Variants in MACROD2 observed in about 807,000 individuals in gnomAD.
MACROD2 encodes the protein ADP-ribose glycohydrolase MACROD2.
Under a neutral mutation model 70.4 loss-of-function variants are expected in MACROD2, and 36 were observed. That is an observed-to-expected ratio of 0.51 (90% CI 0.39 to 0.68). The LOEUF (loss-of-function observed/expected upper bound fraction) is 0.68, where lower values mean the gene tolerates loss of function less well. MACROD2 is among the 30% of genes least tolerant of loss of function. MACROD2 has a pLI of 0.00. For synonymous variants in MACROD2, 172 were observed against 178.8 expected (o/e 0.96, Z 0.30); for missense variants, 496 against 538.4 (o/e 0.92, Z 0.78).
intron 3 of MACROD2, among the ~76,000 whole-genome samples, chr20:14,449,762 A>C (rs1433247135): frequency 6.6e-6 from 1 of 152,174 alleles, no homozygotes; most frequent in Non-Finnish European, 1.5e-5. Context: ...AGAAAACTTA[A>C]GCAGCTTGTC....
intron 8 of MACROD2, among the ~76,000 whole-genome samples, chr20:15,520,069 T>A (rs761331480): frequency 1.8e-4 from 28 of 152,250 alleles, no homozygotes; most frequent in Middle Eastern, 6.8e-3. Context: ...AAATGAGAAC[T>A]GGGAAAACTT....
chr20:15,054,162 A>G (rs1031186349), intron 5 of MACROD2, among the ~76,000 whole-genome samples: 1 of 152,244 alleles, frequency 6.6e-6, no homozygotes, highest in East Asian at 1.9e-4. Flanking sequence ...TTGTTGAAAT[A>G]ACAACAAAGG....
chr20:15,810,314 A>G (rs1396547805), intron 8 of MACROD2, among the ~76,000 whole-genome samples: 1 of 151,630 alleles, frequency 6.6e-6, no homozygotes, highest in African/African-American at 2.4e-5. Context: ...GAATAGTGCC[A>G]CAATAAACAT....
At chr20:15,885,880 A>C in intron 10 of MACROD2, 69 bp downstream of exon 10, 1 of 1,398,214 alleles carries the variant, frequency 7.2e-7, no homozygotes, top group Non-Finnish European at 9.5e-7. Context: ...TACACTTCAT[A>C]TTTTTTCAAC....
chr20:14,465,767 G>A (rs1202275244), intron 3 of MACROD2, among the ~76,000 whole-genome samples: 1 of 152,090 alleles, frequency 6.6e-6, no homozygotes, highest in East Asian at 1.9e-4. Flanking sequence ...TGTCTGTAAA[G>A]TATTTTATTT....
At chr20:15,984,306 A>G (rs2066445513) in intron 13 of MACROD2, among the ~76,000 whole-genome samples, 1 of 152,228 alleles carries the variant, frequency 6.6e-6, no homozygotes, top group Middle Eastern at 3.4e-3. Context: ...TTAAAACAAT[A>G]ATTTTTTTAA....
chr20:14,758,847 A>C (rs919623414), intron 5 of MACROD2, among the ~76,000 whole-genome samples: 5 of 152,214 alleles, frequency 3.3e-5, no homozygotes, highest in African/African-American at 1.2e-4. Flanking sequence ...AACACTGCAA[A>C]TCTTGAAATT....
intron 8 of MACROD2, among the ~76,000 whole-genome samples, chr20:15,548,866 C>T (rs1293311384): frequency 6.6e-6 from 1 of 152,206 alleles, no homozygotes; most frequent in Non-Finnish European, 1.5e-5. Context: ...AGAAGAGATA[C>T]ATAGACTCTC....
chr20:15,530,053 T>A (rs2047775926), intron 8 of MACROD2, among the ~76,000 whole-genome samples: 1 of 151,994 alleles, frequency 6.6e-6, no homozygotes, highest in African/African-American at 2.4e-5. Flanking sequence ...ACAGAAAAAA[T>A]TAAGTGGAAG....
intron 8 of MACROD2, among the ~76,000 whole-genome samples, chr20:15,554,637 T>C (rs779574406): frequency 3.3e-5 from 5 of 152,182 alleles, no homozygotes; most frequent in Non-Finnish European, 5.9e-5. Flanking sequence ...GGACTATTGT[T>C]TGTTGGAATG....
At chr20:15,768,030 A>G (rs1007125085) in intron 8 of MACROD2, among the ~76,000 whole-genome samples, 3 of 144,492 alleles carry the variant, frequency 2.1e-5, no homozygotes, top group Non-Finnish European at 4.6e-5. Context: ...TATTAGCATC[A>G]GTTGCAAAAA....
chr20:15,027,017 A>G (rs1040153536), intron 5 of MACROD2, among the ~76,000 whole-genome samples: 1 of 152,202 alleles, frequency 6.6e-6, no homozygotes, highest in Non-Finnish European at 1.5e-5. Flanking sequence ...AAGCTCAAAT[A>G]CCAGACTGTC....
chr20:15,709,123 CTTA>C (rs1270875110), intron 8 of MACROD2, among the ~76,000 whole-genome samples: 1 of 152,176 alleles, frequency 6.6e-6, no homozygotes, highest in Non-Finnish European at 1.5e-5. Flanking sequence ...ACCGAGGAAT[CTTA>C]TTATCCCCAC....
chr20:14,824,282 G>A (rs1032115388), intron 5 of MACROD2, among the ~76,000 whole-genome samples: 26 of 152,084 alleles, frequency 1.7e-4, no homozygotes, highest in African/African-American at 6.3e-4. Context: ...TAAACACTCT[G>A]CAGAATTCTT....
At chr20:15,026,428 T>C (rs1170244984) in intron 5 of MACROD2, among the ~76,000 whole-genome samples, 1 of 151,948 alleles carries the variant, frequency 6.6e-6, no homozygotes, top group African/African-American at 2.4e-5. Context: ...ATCTTGTTAC[T>C]AGAGTCAGAT....
At chr20:14,068,499 G>A (rs1271829673) in intron 2 of MACROD2, among the ~76,000 whole-genome samples, 1 of 152,148 alleles carries the variant, frequency 6.6e-6, no homozygotes, top group Admixed American at 6.6e-5. Flanking sequence ...CTTCAATACT[G>A]TGAAGGATAT....
At chr20:15,161,227 A>G (rs1601159687) in intron 5 of MACROD2, among the ~76,000 whole-genome samples, 1 of 151,996 alleles carries the variant, frequency 6.6e-6, no homozygotes, top group Non-Finnish European at 1.5e-5. Context: ...ACAACTGAGG[A>G]CATAATATGC....
chr20:14,749,690 C>G (rs577193858), intron 5 of MACROD2, among the ~76,000 whole-genome samples: 1 of 152,134 alleles, frequency 6.6e-6, no homozygotes, highest in South Asian at 2.1e-4. Context: ...CTGTTTATTC[C>G]TTTCTCAAAT....
chr20:15,429,880 A>G (rs1450343370), intron 6 of MACROD2, among the ~76,000 whole-genome samples: 2 of 152,064 alleles, frequency 1.3e-5, no homozygotes. Flanking sequence ...CGTCACTCTA[A>G]CAGTGTACAT....
Sources: allele counts gnomAD v4.1 joint callset (sites outside exome capture counted in the v4.1 genomes callset), GRCh38; gene constraint gnomAD v4.1.1; transcripts MANE v1.5; gene names NCBI Gene and HGNC (gene_info 2026-07-23, HGNC 2026-07-21).